UGT2B10: variants seen among roughly 807,000 people sequenced by gnomAD.
UGT2B10 encodes UDP-glucuronosyltransferase 2B10.
UGT2B10 carries 51 observed loss-of-function variants against 43.7 expected under a neutral mutation model. That is an observed-to-expected ratio of 1.17 (90% CI 0.93 to 1.47). UGT2B10 has a LOEUF of 1.47. Ranked by LOEUF, UGT2B10 falls within the 40% of genes most tolerant of loss-of-function variation. The pLI is 0.00. For synonymous variants in UGT2B10, 225 were observed against 209.0 expected, an observed-to-expected ratio of 1.08 and a Z score of -0.66; for missense variants, 696 against 617.7, an observed-to-expected ratio of 1.13 and a Z score of -1.34.
intron 4 of UGT2B10, 78 bp from the exon 5 acceptor site, chr4:68,827,251 C>G: frequency 6.2e-7 from 1 of 1,603,606 alleles, no homozygotes; most frequent in East Asian, 2.2e-5. Context: ...CTAGAAAACA[C>G]TGTCACTTTC....
chr4:68,816,429 A>G lies in UGT2B10; in HGVS notation c.410A>G (p.Lys137Arg), dbSNP rs1307039862. ...KDVVSNKKLM[K>R]KLQESRFDIV... ...GTAGTTTCAAATAAGAAACTTATGA[A>G]AAAACTACAAGAGTCAAGATTTGAC... Residue 137 changes from lysine (K) to arginine (R), a missense_variant, in exon 1 of 6, where the codon AAA becomes AGA. Physicochemically the swap from Lys to Arg is conservative, Grantham distance 26. Coordinates refer to ENST00000265403, the MANE Select transcript of UGT2B10 (RefSeq NM_001075.6). 2.5e-6 allele frequency: 4 copies of G among 1,612,988 alleles called. No individual in the cohort carries two copies. In the East Asian group the frequency reaches 8.9e-5, roughly 36 times the overall value.
intron 4 of UGT2B10, 43 bp downstream of exon 4, chr4:68,826,540 C>T (rs1737791877): frequency 6.4e-7 from 1 of 1,572,938 alleles, no homozygotes; most frequent in African/African-American, 1.4e-5. Context: ...AGTAACTGCA[C>T]ATTAGAGTGT....
Position 68,816,059 on chromosome 4 carries a change from A to G in UGT2B10, c.40A>G (p.Ser14Gly), listed in dbSNP as rs1348221492. 8.1e-6 allele frequency: 13 copies of G among 1,612,884 alleles called. No homozygotes were observed. In the Admixed American group the frequency reaches 1.8e-4, roughly 23 times the overall value. The change falls in exon 1 of 6, where the codon AGT becomes GGT. Residue 14 changes from serine to glycine, a missense_variant. Ser to Gly is a moderately conservative substitution (Grantham distance 56). Coordinates refer to ENST00000265403, the MANE Select transcript of UGT2B10 (RefSeq NM_001075.6). ...GACTACAGTTCTGCTGATACAACTC[A>G]GTTTTTACTTTAGCTCTGGGAGTTG... is the stretch of plus-strand genomic sequence containing the variant. ...KWTTVLLIQL[S>G]FYFSSGSCGK...
intron 2 of UGT2B10, among the ~76,000 whole-genome samples, chr4:68,820,794 T>G (rs959612953): frequency 6.6e-6 from 1 of 152,050 alleles, no homozygotes; most frequent in Non-Finnish European, 1.5e-5. Flanking sequence ...GATAGAAATT[T>G]TAGAAAAAAT....
chr4:68,825,492 T>G (rs1360544784), intron 3 of UGT2B10, among the ~76,000 whole-genome samples: 1 of 151,972 alleles, frequency 6.6e-6, no homozygotes, highest in Non-Finnish European at 1.5e-5. Context: ...TTTCCTCCCA[T>G]CCTCCACCTT....
At position 68,822,409 on chromosome 4, in the gene UGT2B10, T is replaced by C. The variant is rs1461867265; in HGVS notation, c.999+7T>C. The C allele has an allele frequency of 1.9e-6, 3 of 1,613,254 alleles. No homozygotes were observed. Among genetic ancestry groups the C allele is most frequent in the Middle Eastern group, 3.3e-4 (2 of 6,048 alleles). ...TGCCAAGATCCCACAAAAGGTAAGA[T>C]AAAGTGCCTTACTGGTGTGGAAAAC... On this transcript the variant is annotated splice_region_variant and intron_variant, in intron 3 of 5. Transcript: ENST00000265403.
Position 68,816,763 on chromosome 4 carries a change from T to G in UGT2B10, c.718+26T>G, listed in dbSNP as rs753659203. ...GTAAGATTTTTTTCAATTAGTAACA[T>G]GAAGCTCTAACTTATTTGTGTCTTT... On this transcript the variant is annotated intron_variant, in intron 1 of 5. Coordinates refer to ENST00000265403, the MANE Select transcript of UGT2B10 (RefSeq NM_001075.6). 5.4e-5 allele frequency: 83 copies of G among 1,536,248 alleles called. 1 individual carries two copies. Among genetic ancestry groups the G allele is most frequent in the Non-Finnish European group, 7.2e-5 (82 of 1,136,404 alleles).
intron 4 of UGT2B10, 151 bp from the exon 5 acceptor site, chr4:68,827,178 C>A (rs1413969465): frequency 7.7e-6 from 10 of 1,291,388 alleles, no homozygotes; most frequent in Admixed American, 7.2e-5. Context: ...ACATCTCCAA[C>A]ACAAGTACCT....
intron 2 of UGT2B10, among the ~76,000 whole-genome samples, chr4:68,821,202 G>A (rs1343344143): frequency 6.6e-6 from 1 of 152,154 alleles, no homozygotes; most frequent in East Asian, 1.9e-4. Context: ...ACTGGGGAAA[G>A]TTTTACCCCA....
In UGT2B10 at chr4:68,830,755, A is replaced by T. The variant is rs1041322874; in HGVS notation, c.1463A>T (p.His488Leu). Reference protein sequence around the residue: ...AAHNLTWFQYHSLDVIGFLLA... With the variant: ...AAHNLTWFQYLSLDVIGFLLA... ...CACAACCTCACCTGGTTCCAGTACC[A>T]CTCTTTGGATGTGATTGGGTTCCTG... Residue 488 changes from histidine to leucine, a missense_variant, in exon 6 of 6, where the codon CAC (histidine) becomes CTC (leucine). Coordinates refer to ENST00000265403, the MANE Select transcript of UGT2B10 (RefSeq NM_001075.6). 7 of 1,612,906 alleles carry T rather than the reference A, an allele frequency of 4.3e-6. 1 individual carries two copies. Among genetic ancestry groups the T allele is most frequent in the South Asian group, 2.2e-5 (2 of 91,056 alleles).
intron 4 of UGT2B10, among the ~76,000 whole-genome samples, chr4:68,827,044 A>T (rs936556737): frequency 1.3e-5 from 2 of 151,854 alleles, no homozygotes; most frequent in African/African-American, 4.8e-5. Flanking sequence ...TTTCATGCCC[A>T]TCTCTTTGCT....
intron 5 of UGT2B10, 141 bp from the exon 6 acceptor site, chr4:68,830,458 CA>C (rs1738030854): frequency 1.8e-6 from 2 of 1,091,208 alleles, no homozygotes; most frequent in African/African-American, 3.3e-5. Flanking sequence ...TATGATGACT[CA>C]AATTAAAATA....
rs757236874 is a variant in UGT2B10, at chr4:68,830,855, A to T, written c.1563A>T (p.Lys521Asn). ...TTTGTTTCTGGAAGTTTGCTAGAAA[A>T]GGAAAGAAGGGAAAAAGGGATTAGT... ...CLFCFWKFAR[K>N]GKKGKRD The change falls in exon 6 of 6, where the codon AAA becomes AAT. Residue 521 changes from lysine to asparagine, a missense_variant. Coordinates refer to ENST00000265403, the MANE Select transcript of UGT2B10 (RefSeq NM_001075.6). 1 of 1,613,026 alleles carries T rather than the reference A, an allele frequency of 6.2e-7. No homozygotes were observed. The highest frequency in any genetic ancestry group is 1.1e-5 in the South Asian group (1 of 91,040).
At chr4:68,827,795 A>T (rs1325984948) in intron 5 of UGT2B10, among the ~76,000 whole-genome samples, 1 of 152,006 alleles carries the variant, frequency 6.6e-6, no homozygotes. Flanking sequence ...TGATATAGAT[A>T]ATATAAAAAA....
At position 68,816,414 on chromosome 4, in the gene UGT2B10, A is replaced by T; in HGVS notation, c.395A>T (p.Asn132Ile). Residue 132 changes from asparagine to isoleucine, a missense_variant, in exon 1 of 6, where the codon AAT (asparagine) becomes ATT (isoleucine). Coordinates refer to ENST00000265403, the MANE Select transcript of UGT2B10 (RefSeq NM_001075.6). Reference sequence around the variant, plus strand: ...AACTTCTGTAAAGATGTAGTTTCAAATAAGAAACTTATGAAAAAACTACAA... The same window carrying T: ...AACTTCTGTAAAGATGTAGTTTCAATTAAGAAACTTATGAAAAAACTACAA... ...IRNFCKDVVS[N>I]KKLMKKLQES... is the part of the protein sequence containing the mutation. 1 of 1,612,892 alleles carries T rather than the reference A, an allele frequency of 6.2e-7. No individual in the cohort carries two copies. Among genetic ancestry groups the T allele is most frequent in the Non-Finnish European group, 8.5e-7 (1 of 1,179,376 alleles).
At chr4:68,823,337 C>A (rs1737607179) in intron 3 of UGT2B10, among the ~76,000 whole-genome samples, 1 of 151,902 alleles carries the variant, frequency 6.6e-6, no homozygotes, top group Non-Finnish European at 1.5e-5. Context: ...GAAACCCTGT[C>A]TCTACTAAAG....
At chr4:68,820,707 G>A (rs835319) in intron 2 of UGT2B10, among the ~76,000 whole-genome samples, 134,282 of 151,976 alleles carry the variant, frequency 0.88, 61,408 homozygotes, top group Non-Finnish European at 1. Context: ...AATAAGTGTC[G>A]TGTATGTACA....
At chr4:68,827,642 AT>A (rs1285408469) in intron 5 of UGT2B10, 94 bp downstream of exon 5, 1 of 1,535,524 alleles carries the variant, frequency 6.5e-7, no homozygotes, top group Non-Finnish European at 8.8e-7. Context: ...TAAGAGAGTG[AT>A]TTTGAAAGAA....
At chr4:68,830,491 T>C in intron 5 of UGT2B10, 109 bp from the exon 6 acceptor site, 1 of 1,305,688 alleles carries the variant, frequency 7.7e-7, no homozygotes, top group African/African-American at 1.5e-5. Context: ...TATCAATTCT[T>C]TGACATTTAC....
Sources: gnomAD v4.1 joint callset for allele counts (sites outside exome capture counted in the v4.1 genomes callset) on GRCh38, gnomAD v4.1.1 for gene constraint, MANE v1.5 for transcripts, NCBI Gene and HGNC (gene_info 2026-07-23, HGNC 2026-07-21) for gene names.